Variants in GPM6A observed in about 807,000 individuals in gnomAD.
GPM6A encodes the protein glycoprotein M6A, also known as neuronal membrane glycoprotein M6-a.
In GPM6A, 7 loss-of-function variants were observed where a neutral mutation model predicts 32.1. The observed-to-expected ratio is 0.22, with a 90% CI of 0.12 to 0.41. The LOEUF (loss-of-function observed/expected upper bound fraction) is 0.41, where lower values mean the gene tolerates loss of function less well. Among genes scored for constraint, GPM6A ranks in the 10% least tolerant of loss-of-function variants. GPM6A has a pLI of 1.00. For missense variants in GPM6A, 235 were observed against 347.2 expected, an observed-to-expected ratio of 0.68 and a Z score of 2.57; for synonymous variants, 130 against 123.4, an observed-to-expected ratio of 1.05 and a Z score of -0.35.
At chr4:175,851,878 T>C (rs190851613) in intron 1 of GPM6A, among the ~76,000 whole-genome samples, 1 of 152,214 alleles carries the variant, frequency 6.6e-6, no homozygotes, top group African/African-American at 2.4e-5. Flanking sequence ...TAAAACCTGT[T>C]TTATGCAACA....
At chr4:175,874,022 A>T (rs2111443892) in intron 1 of GPM6A, among the ~76,000 whole-genome samples, 1 of 152,296 alleles carries the variant, frequency 6.6e-6, no homozygotes, top group Non-Finnish European at 1.5e-5. Context: ...ACTCCAGAAA[A>T]TTGCAATCCA....
At chr4:175,680,710 G>C (rs1031933349) in intron 2 of GPM6A, among the ~76,000 whole-genome samples, 3 of 152,138 alleles carry the variant, frequency 2.0e-5, no homozygotes, top group African/African-American at 4.8e-5. Flanking sequence ...TGTCCGTCCT[G>C]TTCCTTGTAG....
At position 175,633,654 on chromosome 4, in the gene GPM6A, TG is replaced by T. The variant is rs1740422367; in HGVS notation, c.*1250del. 2 of 152,408 alleles carry T rather than the reference TG, an allele frequency of 1.3e-5. No individual in the cohort carries two copies. Among genetic ancestry groups the T allele is most frequent in the Non-Finnish European group, 2.9e-5 (2 of 67,928 alleles). The allele number at this position is 152,408 out of a possible 1,614,324, so 9.4% of individuals were successfully genotyped here. A position where few individuals can be genotyped will look rare whatever the true frequency, so the allele number is the denominator to read the frequency against. Reference sequence around the variant, plus strand: ...TCAAGGTGAAAACAAACACCAAATTTGGTCCAATAATACTGATTGCTCTTTG... The same window carrying T: ...TCAAGGTGAAAACAAACACCAAATTTGTCCAATAATACTGATTGCTCTTTG... On this transcript the variant is annotated 3_prime_UTR_variant, in exon 7 of 7. Coordinates refer to ENST00000393658, the MANE Select transcript of GPM6A (RefSeq NM_201591.3).
chr4:175,738,264 C>A (rs778676736), intron 1 of GPM6A, among the ~76,000 whole-genome samples: 15 of 152,012 alleles, frequency 9.9e-5, no homozygotes, highest in Non-Finnish European at 2.1e-4. Context: ...CTGGGGATTA[C>A]TTTTCAACAT....
intron 1 of GPM6A, among the ~76,000 whole-genome samples, chr4:175,895,607 G>T (rs1313577018): frequency 6.6e-6 from 1 of 152,090 alleles, no homozygotes; most frequent in African/African-American, 2.4e-5. Context: ...TTATGAACAA[G>T]TTAAAATTCC....
intron 1 of GPM6A, among the ~76,000 whole-genome samples, chr4:175,936,715 A>C (rs947968174): frequency 2.0e-5 from 3 of 152,160 alleles, no homozygotes; most frequent in Non-Finnish European, 2.9e-5. Flanking sequence ...ACCCATAAAA[A>C]CGTAAAGCAT....
At chr4:175,796,559 T>C (rs988249238) in intron 1 of GPM6A, among the ~76,000 whole-genome samples, 3 of 152,166 alleles carry the variant, frequency 2.0e-5, no homozygotes, top group Non-Finnish European at 2.9e-5. Context: ...AATGCTTCTG[T>C]TTATTTACAC....
At chr4:175,812,473 C>T, upstream of GPM6A, 1 of 1,231,150 alleles carries the variant, frequency 8.1e-7, no homozygotes, top group South Asian at 3.0e-5. Context: ...TGAAGATTAT[C>T]AATTTTTCTT....
At chr4:175,650,747 T>C (rs1741757478) in intron 4 of GPM6A, among the ~76,000 whole-genome samples, 1 of 152,106 alleles carries the variant, frequency 6.6e-6, no homozygotes, top group Non-Finnish European at 1.5e-5. Context: ...CTACTTACAG[T>C]ATAACTGTAA....
At chr4:175,908,941 C>A (rs1738218650) in intron 1 of GPM6A, among the ~76,000 whole-genome samples, 1 of 146,078 alleles carries the variant, frequency 6.8e-6, no homozygotes, top group Admixed American at 7.3e-5. Context: ...CGTAAAAGCA[C>A]ACAATGATTT....
chr4:175,708,053 T>C (rs534338224), intron 1 of GPM6A, among the ~76,000 whole-genome samples: 186 of 152,318 alleles, frequency 1.2e-3, no homozygotes, highest in African/African-American at 4.4e-3. Context: ...CCAACAGTTA[T>C]TGAGCCCTTG....
intron 6 of GPM6A, among the ~76,000 whole-genome samples, chr4:175,638,713 A>C (rs895016048): frequency 1.3e-5 from 2 of 152,142 alleles, no homozygotes; most frequent in African/African-American, 4.8e-5. Context: ...CACTTTTTAA[A>C]AGATACCTTC....
intron 1 of GPM6A, among the ~76,000 whole-genome samples, chr4:175,722,251 C>A (rs532326476): frequency 1.3e-5 from 2 of 152,218 alleles, no homozygotes; most frequent in Admixed American, 1.3e-4. Context: ...GATCTCACCA[C>A]TGCACTCCAG....
chr4:175,982,986 G>T (rs987504013), intron 1 of GPM6A, among the ~76,000 whole-genome samples: 9 of 152,048 alleles, frequency 5.9e-5, no homozygotes, highest in Non-Finnish European at 1.0e-4. Context: ...GGTGCTATTT[G>T]TAAATGGTTT....
At chr4:175,779,255 A>C (rs1236979779) in intron 1 of GPM6A, among the ~76,000 whole-genome samples, 1 of 152,170 alleles carries the variant, frequency 6.6e-6, no homozygotes, top group Non-Finnish European at 1.5e-5. Context: ...TTGATGTGGA[A>C]GTCTTTATGA....
intron 1 of GPM6A, among the ~76,000 whole-genome samples, chr4:175,823,127 T>C (rs73871219): frequency 2.1e-3 from 319 of 152,292 alleles, no homozygotes; most frequent in African/African-American, 7.3e-3. Flanking sequence ...TAAGCAACTT[T>C]CTCAAGGCTA....
chr4:175,803,203 A>T (rs1245692784), intron 1 of GPM6A, among the ~76,000 whole-genome samples: 1 of 151,078 alleles, frequency 6.6e-6, no homozygotes, highest in Non-Finnish European at 1.5e-5. Flanking sequence ...CATCATCATC[A>T]TCAGCTATGA....
chr4:175,843,181 AAAG>A (rs1735991877), intron 1 of GPM6A, among the ~76,000 whole-genome samples: 1 of 152,192 alleles, frequency 6.6e-6, no homozygotes, highest in Admixed American at 6.5e-5. Context: ...TGCTTGCCAA[AAAG>A]AAGAAGCAGG....
intron 6 of GPM6A, among the ~76,000 whole-genome samples, chr4:175,635,598 T>C (rs1206078333): frequency 6.6e-6 from 1 of 152,096 alleles, no homozygotes; most frequent in Non-Finnish European, 1.5e-5. Context: ...GGAGATAAAA[T>C]ATTGTGTTAC....
Sources: allele counts gnomAD v4.1 joint callset (sites outside exome capture counted in the v4.1 genomes callset), GRCh38; gene constraint gnomAD v4.1.1; transcripts MANE v1.5; gene names NCBI Gene and HGNC (gene_info 2026-07-23, HGNC 2026-07-21).